The following PCDHA11 variants were observed in gnomAD, a reference collection of about 807,000 sequenced individuals.
The protein encoded by PCDHA11 is protocadherin alpha 11, also known as protocadherin alpha-11.
Under a neutral mutation model 70.3 loss-of-function variants are expected in PCDHA11, and 61 were observed. That is an observed-to-expected ratio of 0.87 (90% CI 0.71 to 1.07). PCDHA11 has a LOEUF of 1.07. Among genes scored for constraint, PCDHA11 ranks in the 50% least tolerant of loss-of-function variants. The probability of loss-of-function intolerance (pLI) is 0.00; values close to 1 mark genes in which losing one functional copy is unlikely to be tolerated. For missense variants in PCDHA11, 1,324 were observed against 1,237.5 expected (o/e 1.07, Z -1.05); for synonymous variants, 633 against 555.1 (o/e 1.14, Z -1.97).
intron 1 of PCDHA11, among the ~76,000 whole-genome samples, chr5:140,955,283 A>G (rs1255959484): frequency 6.6e-6 from 1 of 151,774 alleles, no homozygotes; most frequent in African/African-American, 2.4e-5. Context: ...CCATATTGAT[A>G]TGGTTTGGCT....
intron 1 of PCDHA11, among the ~76,000 whole-genome samples, chr5:140,943,273 A>G (rs1451221832): frequency 1.3e-5 from 2 of 150,472 alleles, no homozygotes; most frequent in East Asian, 1.9e-4. Flanking sequence ...AAAAAAAAAA[A>G]AAAAGAAAGA....
intron 1 of PCDHA11, chr5:140,967,360 G>A: frequency 1.2e-6 from 2 of 1,607,656 alleles, no homozygotes; most frequent in South Asian, 1.1e-5. Context: ...TGGACCTTAA[G>A]CCCCTGCAGG....
At chr5:140,917,552 C>T (rs200211133) in intron 1 of PCDHA11, among the ~76,000 whole-genome samples, 1 of 152,192 alleles carries the variant, frequency 6.6e-6, no homozygotes, top group Non-Finnish European at 1.5e-5. Flanking sequence ...TTACATTTAA[C>T]TCTTTAATCC....
intron 1 of PCDHA11, among the ~76,000 whole-genome samples, chr5:140,898,903 C>T (rs1323359632): frequency 6.6e-6 from 1 of 152,100 alleles, no homozygotes; most frequent in Non-Finnish European, 1.5e-5. Context: ...AGAGGTCCTT[C>T]ACGTCCCTTG....
chr5:140,989,350 T>G (rs188962457), intron 3 of PCDHA11, among the ~76,000 whole-genome samples: 17 of 152,274 alleles, frequency 1.1e-4, no homozygotes, highest in African/African-American at 3.9e-4. Context: ...TCAAAGGTGA[T>G]AGGTCACCTG....
At chr5:140,904,018 A>G (rs2070774543) in intron 1 of PCDHA11, among the ~76,000 whole-genome samples, 1 of 152,198 alleles carries the variant, frequency 6.6e-6, no homozygotes. Context: ...TTAAAAAATA[A>G]TGGTATAATT....
At chr5:140,911,985 A>C (rs1554195072) in intron 1 of PCDHA11, among the ~76,000 whole-genome samples, 2 of 152,204 alleles carry the variant, frequency 1.3e-5, no homozygotes, top group African/African-American at 4.8e-5. Flanking sequence ...CATGATCACA[A>C]GGTCCCACAA....
intron 1 of PCDHA11, chr5:140,968,964 G>A (rs782792392): frequency 7.4e-6 from 12 of 1,614,136 alleles, no homozygotes; most frequent in East Asian, 4.5e-5. Context: ...AAGTGCTACC[G>A]CTACACTGCG....
chr5:140,924,900 A>T (rs622703), intron 1 of PCDHA11, among the ~76,000 whole-genome samples: 5 of 63,248 alleles, frequency 7.9e-5, no homozygotes, highest in Admixed American at 1.7e-4. Flanking sequence ...GTCTCAAAAA[A>T]AAAAATAAAA....
At chr5:140,981,683 T>A (rs1484532280) in intron 2 of PCDHA11, among the ~76,000 whole-genome samples, 5 of 152,034 alleles carry the variant, frequency 3.3e-5, no homozygotes, top group Non-Finnish European at 5.9e-5. Flanking sequence ...CCTTCCTCCC[T>A]TCCATCATTC....
chr5:140,873,568 G>T (rs1319513835), intron 1 of PCDHA11, among the ~76,000 whole-genome samples: 1 of 149,090 alleles, frequency 6.7e-6, no homozygotes, highest in East Asian at 1.9e-4. Context: ...TTTCTAGTTT[G>T]GTTGTTTAAG....
At position 141,009,850 on chromosome 5, in the gene PCDHA11, CAAGAAAAAG is replaced by C. The variant is rs782749911; in HGVS notation, c.2778_2786del (p.Lys927_Lys929del). 6.2e-6 allele frequency: 10 copies of C among 1,613,454 alleles called. No individual in the cohort carries two copies. The highest frequency in any genetic ancestry group is 1.7e-5 in the Admixed American group (1 of 59,950). ...TAACCTTCGGCAAAAAGGAGGAGAC[CAAGAAAAAG>C]AAGAAAAAGAAGAAGGGTAACAAGA... is the stretch of plus-strand genomic sequence containing the variant. On this transcript the variant is annotated inframe_deletion, in exon 4 of 4. Coordinates refer to ENST00000398640, the MANE Select transcript of PCDHA11 (RefSeq NM_018902.5).
At chr5:140,907,287 G>C (rs1179027055) in intron 1 of PCDHA11, among the ~76,000 whole-genome samples, 1 of 152,178 alleles carries the variant, frequency 6.6e-6, no homozygotes, top group Non-Finnish European at 1.5e-5. Flanking sequence ...TATCAATCCA[G>C]CTGCTTCAGG....
chr5:140,927,805 C>T (rs2084654444), intron 1 of PCDHA11: 1 of 1,614,074 alleles, frequency 6.2e-7, no homozygotes, highest in South Asian at 1.1e-5. Context: ...GCCTGAAACG[C>T]TCTTGGAGGC....
At chr5:140,971,844 C>T (rs1209652703) in intron 1 of PCDHA11, among the ~76,000 whole-genome samples, 2 of 151,920 alleles carry the variant, frequency 1.3e-5, no homozygotes, top group African/African-American at 2.4e-5. Flanking sequence ...GCAAGTCATG[C>T]GTTAAATATT....
At chr5:140,881,399 T>A in intron 1 of PCDHA11, 1 of 975,578 alleles carries the variant, frequency 1.0e-6, no homozygotes, top group Non-Finnish European at 1.2e-6. Flanking sequence ...TTAAATTCTA[T>A]TAAATCAATA....
intron 1 of PCDHA11, among the ~76,000 whole-genome samples, chr5:140,950,918 G>C (rs1229704497): frequency 6.6e-6 from 1 of 151,584 alleles, no homozygotes; most frequent in African/African-American, 2.4e-5. Context: ...TTTTATTTCA[G>C]TTCTTTTTCT....
intron 1 of PCDHA11, among the ~76,000 whole-genome samples, chr5:140,880,884 G>A (rs540368068): frequency 2.0e-5 from 3 of 152,304 alleles, no homozygotes; most frequent in South Asian, 4.1e-4. Flanking sequence ...ATAAAGAAAT[G>A]TAGGGCCAGA....
At chr5:140,932,114 G>A (rs2088047655) in intron 1 of PCDHA11, among the ~76,000 whole-genome samples, 1 of 151,738 alleles carries the variant, frequency 6.6e-6, no homozygotes. Context: ...ATTTCCAATT[G>A]ATAATATTTA....
Sources: allele counts gnomAD v4.1 joint callset (sites outside exome capture counted in the v4.1 genomes callset), GRCh38; gene constraint gnomAD v4.1.1; transcripts MANE v1.5; gene names NCBI Gene and HGNC (gene_info 2026-07-23, HGNC 2026-07-21).